Variants in TRRAP observed in about 807,000 individuals in gnomAD.
The protein encoded by TRRAP is transformation/transcription domain-associated protein.
A neutral mutation model predicts 438.8 loss-of-function variants in TRRAP; 41 were observed. The ratio of observed to expected loss-of-function variants is 0.09; its 90% CI spans 0.07 to 0.12. TRRAP has a LOEUF of 0.12. TRRAP is among the 10% of genes least tolerant of loss of function. The probability of loss-of-function intolerance (pLI) is 1.00; values close to 1 mark genes in which losing one functional copy is unlikely to be tolerated. For synonymous variants in TRRAP, 1,994 were observed against 1,962.9 expected (o/e 1.02, Z -0.42); for missense variants, 3,122 against 5,055.1 (o/e 0.62, Z 11.60).
chr7:98,963,816 C>CA (rs1382303540), intron 47 of TRRAP, among the ~76,000 whole-genome samples: 2 of 152,120 alleles, frequency 1.3e-5, no homozygotes, highest in Non-Finnish European at 2.9e-5. Context: ...TGCAGTAACT[C>CA]ACGCCTATAA....
chr7:98,993,815 C>A, intron 66 of TRRAP, 78 bp downstream of exon 66: 1 of 1,451,144 alleles, frequency 6.9e-7, no homozygotes, highest in Non-Finnish European at 9.6e-7. Context: ...TGGCTCTCTT[C>A]CCTTGAGCTT....
intron 59 of TRRAP, 91 bp downstream of exon 59, chr7:98,982,051 C>T (rs946346091): frequency 1.5e-6 from 2 of 1,297,300 alleles, no homozygotes; most frequent in African/African-American, 1.5e-5. Flanking sequence ...CTGCTCCGGA[C>T]AGCAGAGATG....
intron 26 of TRRAP, 26 bp downstream of exon 26, chr7:98,931,691 G>A (rs782428765): frequency 5.0e-6 from 8 of 1,592,832 alleles, no homozygotes; most frequent in Non-Finnish European, 6.8e-6. Flanking sequence ...CCAGAACCAA[G>A]GTAATTTCAA....
chr7:99,002,790 A>G (rs1257890614), intron 67 of TRRAP, among the ~76,000 whole-genome samples: 1 of 152,186 alleles, frequency 6.6e-6, no homozygotes, highest in Admixed American at 6.5e-5. Context: ...TGGACAGCCA[A>G]GTTCAGACAT....
At chr7:98,886,554 T>C (rs1332343950) in intron 3 of TRRAP, among the ~76,000 whole-genome samples, 1 of 152,082 alleles carries the variant, frequency 6.6e-6, no homozygotes, top group Non-Finnish European at 1.5e-5. Context: ...GCAGTATAGT[T>C]AGGGCTTTTC....
intron 3 of TRRAP, among the ~76,000 whole-genome samples, chr7:98,888,234 A>C (rs1420015056): frequency 3.3e-5 from 5 of 150,150 alleles, no homozygotes; most frequent in African/African-American, 7.4e-5. Flanking sequence ...CATCTCAAAA[A>C]AAAAAAAAAG....
At chr7:98,972,078 TG>T (rs1792441396) in intron 53 of TRRAP, 133 bp downstream of exon 53, 6 of 1,278,812 alleles carry the variant, frequency 4.7e-6, no homozygotes, top group Middle Eastern at 2.8e-4. Context: ...GATGTTGCTT[TG>T]TCACCCAGCC....
At chr7:98,958,761 C>T (rs138346521) in intron 44 of TRRAP, among the ~76,000 whole-genome samples, 1,863 of 152,152 alleles carry the variant, frequency 0.012, 22 homozygotes, top group Non-Finnish European at 0.015. Flanking sequence ...AAGATGGGAA[C>T]GGTACACAGC....
chr7:98,906,712 C>T (rs944528099), intron 13 of TRRAP, among the ~76,000 whole-genome samples: 2 of 151,930 alleles, frequency 1.3e-5, no homozygotes, highest in African/African-American at 4.8e-5. Context: ...GGATTACAGG[C>T]GTGAGGTACT....
At chr7:98,953,812 C>G (rs1791459957) in intron 40 of TRRAP, among the ~76,000 whole-genome samples, 1 of 152,140 alleles carries the variant, frequency 6.6e-6, no homozygotes, top group African/African-American at 2.4e-5. Flanking sequence ...GTTATGTGTG[C>G]TTTACCACAG....
intron 20 of TRRAP, among the ~76,000 whole-genome samples, chr7:98,921,057 G>A (rs186502611): frequency 3.3e-5 from 5 of 152,246 alleles, no homozygotes; most frequent in South Asian, 2.1e-4. Flanking sequence ...GGCTGGTCTC[G>A]AACTACCGAC....
chr7:98,990,726 C>T lies in TRRAP; in HGVS notation c.9756+107C>T, dbSNP rs1225742198. 2.4e-6 allele frequency: 3 copies of T among 1,272,862 alleles called. No homozygotes were observed. The Admixed American group carries it at 8.3e-5, about 35-fold the overall frequency. The allele number at this position is 1,272,862 out of a possible 1,614,324, so 78.8% of individuals were successfully genotyped here. Reference sequence around the variant, plus strand: ...ATTTGAGTGTTCAAAGTATTAAAAACAAGTTAAAGAGATGGGAAGATATAA... The same window carrying T: ...ATTTGAGTGTTCAAAGTATTAAAAATAAGTTAAAGAGATGGGAAGATATAA... On this transcript the variant is annotated intron_variant, in intron 64 of 72. Transcript: ENST00000456197.
intron 9 of TRRAP, 32 bp downstream of exon 9, chr7:98,899,531 T>C (rs781783017): frequency 6.2e-7 from 1 of 1,611,992 alleles, no homozygotes; most frequent in Non-Finnish European, 8.5e-7. Flanking sequence ...CTCTTGGGTT[T>C]TGGGCTTCTT....
At chr7:98,991,962 C>T (rs148121087) in intron 64 of TRRAP, among the ~76,000 whole-genome samples, 175 bp from the exon 65 acceptor site, 1 of 152,310 alleles carries the variant, frequency 6.6e-6, no homozygotes, top group Admixed American at 6.5e-5. Context: ...AATATTTTGC[C>T]TGCTGTTGAA....
intron 51 of TRRAP, 117 bp from the exon 52 acceptor site, chr7:98,969,995 A>G (rs777761739): frequency 1.8e-4 from 224 of 1,260,130 alleles, no homozygotes; most frequent in Non-Finnish European, 2.3e-4. Context: ...TGCTGAGCTC[A>G]TACTTGGACC....
At position 99,011,472 on chromosome 7, in the gene TRRAP, C is replaced by T. The variant is rs777339560; in HGVS notation, c.11274C>T (p.Val3758=). The change falls in exon 72 of 73, where the codon GTC becomes GTT. Residue 3758 remains valine, a synonymous_variant. Coordinates refer to ENST00000456197, the MANE Select transcript of TRRAP (RefSeq NM_001375524.1). The surrounding 1 kb of genome is among the most constrained non-coding windows in gnomAD (Gnocchi z 7.1). ...NISEFLTTIG[V]SGPLTASMIA... ...CTGAGTTTCTGACCACCATCGGGGT[C>T]TCCGGCCCGTTGACAGCGTCCATGA... is the stretch of plus-strand genomic sequence containing the variant. 90 of 1,614,162 alleles carry T rather than the reference C, an allele frequency of 5.6e-5. No homozygotes were observed. Among genetic ancestry groups the T allele is most frequent in the Non-Finnish European group, 7.2e-5 (85 of 1,180,058 alleles).
At chr7:98,959,248 T>G (rs1428007827) in intron 44 of TRRAP, 96 bp from the exon 45 acceptor site, 4 of 1,512,824 alleles carry the variant, frequency 2.6e-6, no homozygotes, top group Non-Finnish European at 2.7e-6. Flanking sequence ...CTGAGACAGG[T>G]GTAAGGGCCA....
chr7:98,980,460 G>A (rs1213028558), intron 58 of TRRAP, among the ~76,000 whole-genome samples: 6 of 151,330 alleles, frequency 4.0e-5, no homozygotes, highest in South Asian at 4.2e-4. Flanking sequence ...AATGTGAGGC[G>A]TTCCAGTGCT....
chr7:98,978,119 T>C, intron 56 of TRRAP, 92 bp from the exon 57 acceptor site: 1 of 1,174,270 alleles, frequency 8.5e-7, no homozygotes, highest in Non-Finnish European at 1.2e-6. Flanking sequence ...AAACCTCATC[T>C]CAAAAAACTT....
Sources: gnomAD v4.1 joint callset for allele counts (sites outside exome capture counted in the v4.1 genomes callset) on GRCh38, gnomAD v4.1.1 for gene constraint, Gnocchi (gnomAD v3.1) non-coding constraint, MANE v1.5 for transcripts, NCBI Gene and HGNC (gene_info 2026-07-23, HGNC 2026-07-21) for gene names.